METTL8: variants seen among roughly 807,000 people sequenced by gnomAD.
The protein encoded by METTL8 is methyltransferase 8, tRNA N3-cytidine.
Under a neutral mutation model 48.7 loss-of-function variants are expected in METTL8, and 32 were observed. The ratio of observed to expected loss-of-function variants is 0.66; its 90% CI spans 0.50 to 0.88. METTL8 has a LOEUF of 0.88. Among genes scored for constraint, METTL8 ranks in the 40% least tolerant of loss-of-function variants. The pLI, the probability that METTL8 is intolerant of heterozygous loss-of-function variation, is 0.00. For missense variants in METTL8, 464 were observed against 474.4 expected (o/e 0.98, Z 0.20); for synonymous variants, 136 against 157.1 (o/e 0.87, Z 1.01).
At chr2:171,368,829 G>A (rs987562253) in intron 2 of METTL8, among the ~76,000 whole-genome samples, 3 of 150,780 alleles carry the variant, frequency 2.0e-5, no homozygotes, top group Admixed American at 1.3e-4. Flanking sequence ...TTGAGCCCAG[G>A]AGTTCACAGC....
chr2:171,421,623 C>T (rs1431335767), intron 1 of METTL8, among the ~76,000 whole-genome samples: 4 of 152,126 alleles, frequency 2.6e-5, no homozygotes, highest in African/African-American at 9.7e-5. Flanking sequence ...AAATGGAGAG[C>T]TACATAGTGA....
chr2:171,336,230 G>C (rs971943300), intron 5 of METTL8, among the ~76,000 whole-genome samples: 1 of 151,964 alleles, frequency 6.6e-6, no homozygotes, highest in Admixed American at 6.5e-5. Context: ...CGAGTAGCTG[G>C]GATTACAGGC....
At chr2:171,373,999 T>G (rs1037333773) in intron 2 of METTL8, among the ~76,000 whole-genome samples, 6 of 152,212 alleles carry the variant, frequency 3.9e-5, no homozygotes, top group Admixed American at 3.9e-4. Flanking sequence ...TAAAGTAGTT[T>G]TTTCCAATTC....
At chr2:171,340,838 G>A (rs908046817) in intron 3 of METTL8, among the ~76,000 whole-genome samples, 2 of 152,068 alleles carry the variant, frequency 1.3e-5, no homozygotes, top group African/African-American at 4.8e-5. Flanking sequence ...AGGCCATCCC[G>A]TAACTCCATT....
At chr2:171,355,106 A>G (rs900979405) in intron 3 of METTL8, among the ~76,000 whole-genome samples, 5 of 151,940 alleles carry the variant, frequency 3.3e-5, no homozygotes, top group Non-Finnish European at 7.4e-5. Flanking sequence ...GGTTTTATCT[A>G]CCTTTGGTCT....
chr2:171,382,543 G>C (rs907465325), intron 2 of METTL8, among the ~76,000 whole-genome samples: 11 of 152,066 alleles, frequency 7.2e-5, no homozygotes, highest in African/African-American at 2.7e-4. Context: ...AACATACACA[G>C]GGGCCTGTCC....
chr2:171,434,005 G>C (rs897223690), upstream of METTL8: 1 of 246,400 alleles, frequency 4.1e-6, no homozygotes, highest in South Asian at 4.2e-5. Flanking sequence ...GGGCAGTGAG[G>C]GAGGGATCCC....
chr2:171,354,175 AT>A (rs1684265655), intron 3 of METTL8, among the ~76,000 whole-genome samples: 1 of 152,098 alleles, frequency 6.6e-6, no homozygotes, highest in Admixed American at 6.6e-5. Context: ...ATCTCTCAGC[AT>A]TTGCTTGTCT....
chr2:171,328,048 T>C (rs1422788546), intron 7 of METTL8, among the ~76,000 whole-genome samples: 1 of 152,204 alleles, frequency 6.6e-6, no homozygotes, highest in Non-Finnish European at 1.5e-5. Flanking sequence ...CTACTTTTCT[T>C]GCTCATCTCA....
At chr2:171,387,913 A>G (rs979947843) in intron 2 of METTL8, among the ~76,000 whole-genome samples, 1 of 152,182 alleles carries the variant, frequency 6.6e-6, no homozygotes, top group Non-Finnish European at 1.5e-5. Flanking sequence ...GGCTAGTCTG[A>G]TAACAATTTT....
rs565272701 is a variant in METTL8 at position 171,425,706 on chromosome 2, T to C, written c.-13+8177A>G. 2.0e-5 allele frequency among the ~76,000 whole-genome samples: 3 copies of C among 152,360 alleles called. No homozygotes were observed. The East Asian group carries it at 5.8e-4, about 29-fold the overall frequency. On this transcript the variant is annotated intron_variant, in intron 1 of 9. Transcript: ENST00000375258. Reference sequence around the variant, plus strand: ...AGCAGAGAATTAGGTTATGCTGTTTTAGGACTTCTACAAGAATTTGAGGTA... The same window carrying C: ...AGCAGAGAATTAGGTTATGCTGTTTCAGGACTTCTACAAGAATTTGAGGTA...
intron 2 of METTL8, among the ~76,000 whole-genome samples, chr2:171,372,175 A>G (rs1295089339): frequency 6.6e-6 from 1 of 152,138 alleles, no homozygotes; most frequent in African/African-American, 2.4e-5. Flanking sequence ...CACAAAGATG[A>G]GGAAGATTTG....
chr2:171,426,566 T>G (rs1692442620), intron 1 of METTL8, among the ~76,000 whole-genome samples: 1 of 152,222 alleles, frequency 6.6e-6, no homozygotes, highest in Non-Finnish European at 1.5e-5. Context: ...ATTGATATTC[T>G]TTTGAATAAA....
At chr2:171,331,143 G>C (rs1032256893) in intron 6 of METTL8, among the ~76,000 whole-genome samples, 1 of 152,086 alleles carries the variant, frequency 6.6e-6, no homozygotes, top group Non-Finnish European at 1.5e-5. Context: ...ACACAGTCTT[G>C]CTCTGTCACC....
rs1055388625 is a variant in METTL8, at chr2:171,321,964, T to TC, written c.*2207_*2208insG. 1.4e-5 allele frequency: 2 copies of TC among 143,940 alleles called. No homozygotes were observed. The highest frequency in any genetic ancestry group is 5.1e-5 in the African/African-American group (2 of 38,984). The allele number at this position is 143,940 out of a possible 1,614,324, so 8.9% of individuals were successfully genotyped here. A position where few individuals can be genotyped will look rare whatever the true frequency, so the allele number is the denominator to read the frequency against. On this transcript the variant is annotated 3_prime_UTR_variant, in exon 10 of 10. Transcript: ENST00000375258. ...TTTTGAAGCAAGGGAGTAAATAAAT[T>TC]TTTTTTTTTTTTTTTGATACGCAGT...
At chr2:171,339,050 CAGA>C in intron 4 of METTL8, 131 bp downstream of exon 4, 1 of 628,506 alleles carries the variant, frequency 1.6e-6, no homozygotes, top group Non-Finnish European at 2.4e-6. Context: ...TATTTATGCA[CAGA>C]AGTACACTGA....
intron 2 of METTL8, among the ~76,000 whole-genome samples, chr2:171,370,203 T>C (rs545460809): frequency 1.3e-5 from 2 of 152,026 alleles, no homozygotes; most frequent in African/African-American, 4.8e-5. Context: ...CTGGACTAGG[T>C]GTTATCTTAA....
At chr2:171,328,153 C>A (rs566001301) in intron 7 of METTL8, among the ~76,000 whole-genome samples, 1 of 152,236 alleles carries the variant, frequency 6.6e-6, no homozygotes, top group South Asian at 2.1e-4. Context: ...TGGTATGAAG[C>A]CCCTTTTCTT....
intron 1 of METTL8, among the ~76,000 whole-genome samples, chr2:171,405,592 T>C (rs1407894164): frequency 2.0e-5 from 3 of 152,052 alleles, no homozygotes; most frequent in Non-Finnish European, 4.4e-5. Flanking sequence ...TTTTGAGGGA[T>C]CATGTAGGTG....
Sources: gnomAD v4.1 joint callset for allele counts (sites outside exome capture counted in the v4.1 genomes callset) on GRCh38, gnomAD v4.1.1 for gene constraint, MANE v1.5 for transcripts, NCBI Gene and HGNC (gene_info 2026-07-23, HGNC 2026-07-21) for gene names.